Variants in CHL1 observed in about 807,000 individuals in gnomAD.
CHL1 encodes the protein cell adhesion molecule L1 like.
A neutral mutation model predicts 141.9 loss-of-function variants in CHL1; 96 were observed. The ratio of observed to expected loss-of-function variants is 0.68; its 90% CI spans 0.57 to 0.80. The LOEUF is 0.80. CHL1 is among the 30% of genes least tolerant of loss of function. The pLI, the probability that CHL1 is intolerant of heterozygous loss-of-function variation, is 0.00. For missense variants in CHL1, 1,820 were observed against 1,457.2 expected (o/e 1.25, Z -4.05); for synonymous variants, 613 against 502.2 (o/e 1.22, Z -2.95).
intron 2 of CHL1, among the ~76,000 whole-genome samples, chr3:314,893 A>G (rs1204071241): frequency 1.3e-5 from 2 of 152,182 alleles, no homozygotes; most frequent in Non-Finnish European, 2.9e-5. Context: ...GTGTGACCAC[A>G]AAGAGGGGAA....
chr3:360,268 C>T lies in CHL1; in HGVS notation c.1166-16C>T. The T allele has an allele frequency of 2.5e-6, 4 of 1,612,842 alleles. No individual in the cohort carries two copies. The highest frequency in any genetic ancestry group is 3.4e-6 in the Non-Finnish European group (4 of 1,179,372). Reference sequence around the variant, plus strand: ...TCCTGTTCCTTATCAAACTGACATTCTTTAATCTCTTTCAGATCATCCATT... The same window carrying T: ...TCCTGTTCCTTATCAAACTGACATTTTTTAATCTCTTTCAGATCATCCATT... On this transcript the variant is annotated splice_polypyrimidine_tract_variant and intron_variant, in intron 11 of 27. Coordinates refer to ENST00000256509, the MANE Select transcript of CHL1 (RefSeq NM_006614.4).
At chr3:235,617 G>C (rs1256668900) in intron 1 of CHL1, among the ~76,000 whole-genome samples, 1 of 152,142 alleles carries the variant, frequency 6.6e-6, no homozygotes, top group Non-Finnish European at 1.5e-5. Context: ...GGAAAACATA[G>C]TGCTTCTCTA....
At chr3:261,555 A>G (rs1047700646) in intron 2 of CHL1, among the ~76,000 whole-genome samples, 1 of 152,206 alleles carries the variant, frequency 6.6e-6, no homozygotes, top group African/African-American at 2.4e-5. Flanking sequence ...TCACAAACTC[A>G]TTGAGCTAAG....
intron 2 of CHL1, among the ~76,000 whole-genome samples, chr3:251,359 C>G (rs953777875): frequency 6.6e-6 from 1 of 152,142 alleles, no homozygotes; most frequent in African/African-American, 2.4e-5. Flanking sequence ...AGCTTTAACT[C>G]AGCAACTTTT....
At chr3:352,207 A>C (rs1341302664) in intron 10 of CHL1, among the ~76,000 whole-genome samples, 2 of 152,182 alleles carry the variant, frequency 1.3e-5, no homozygotes, top group African/African-American at 4.8e-5. Flanking sequence ...TCAAATAACA[A>C]ACCTATTTCT....
chr3:386,353 A>G lies in CHL1; in HGVS notation c.2247+2467A>G, dbSNP rs116302783. Among the ~76,000 whole-genome samples the G allele has an allele frequency of 3.9e-3, 587 of 152,322 alleles. 3 individuals are homozygous for G. Among genetic ancestry groups the G allele is most frequent in the African/African-American group, 0.013 (552 of 41,570 alleles). On this transcript the variant is annotated intron_variant, in intron 19 of 27. Transcript: ENST00000256509. ...ACATGATTCAATTTAAAGTAACATT[A>G]CAATTTAACTTAATGGTAGAACTAG...
chr3:389,366 G>T lies in CHL1; in HGVS notation c.2362G>T (p.Val788Leu), dbSNP rs1027396710. The T allele has an allele frequency of 6.2e-7, 1 of 1,614,194 alleles. No homozygotes were observed. Among genetic ancestry groups the T allele is most frequent in the Non-Finnish European group, 8.5e-7 (1 of 1,180,032 alleles). Residue 788 changes from valine to leucine, a missense_variant, in exon 20 of 28, where the codon GTG becomes TTG. Transcript: ENST00000256509. ...AACAGTCACAAACCACACATTGCGG[G>T]TGATGACGCCTGCTGTCTATGCCCC... The part of the protein sequence containing the change: ...EETVTNHTLR[V>L]MTPAVYAPYD...
chr3:301,942 C>T lies in CHL1; in HGVS notation c.-94-17741C>T, dbSNP rs1698780149. Reference sequence around the variant, plus strand: ...GGCCCTGGTGTGTGATGTTCCCCTCCCTTTATCCATGTGTTCTCCTTGTTC... The same window carrying T: ...GGCCCTGGTGTGTGATGTTCCCCTCTCTTTATCCATGTGTTCTCCTTGTTC... On this transcript the variant is annotated intron_variant, in intron 2 of 27. Coordinates refer to ENST00000256509, the MANE Select transcript of CHL1 (RefSeq NM_006614.4). Among the ~76,000 whole-genome samples, 4 of 152,152 alleles carry T rather than the reference C, an allele frequency of 2.6e-5. No individual in the cohort carries two copies. The South Asian group carries it at 8.3e-4, about 32-fold the overall frequency.
chr3:293,893 C>G (rs1193390615), intron 2 of CHL1, among the ~76,000 whole-genome samples: 4 of 151,162 alleles, frequency 2.6e-5, no homozygotes, highest in African/African-American at 9.7e-5. Context: ...TCCTGAGTAG[C>G]TGGGATTACA....
At chr3:301,751 C>G (rs554523650) in intron 2 of CHL1, among the ~76,000 whole-genome samples, 1 of 152,176 alleles carries the variant, frequency 6.6e-6, no homozygotes. Context: ...AGAAGACACT[C>G]TTTTTTATTA....
chr3:290,572 C>A (rs745749092), intron 2 of CHL1, among the ~76,000 whole-genome samples: 1 of 152,100 alleles, frequency 6.6e-6, no homozygotes, highest in Non-Finnish European at 1.5e-5. Flanking sequence ...TTAGTCATGC[C>A]TGACTAACAT....
At chr3:248,775 A>G (rs1033645091) in intron 2 of CHL1, among the ~76,000 whole-genome samples, 2 of 152,186 alleles carry the variant, frequency 1.3e-5, no homozygotes, top group Admixed American at 6.6e-5. Context: ...AAGACTGACT[A>G]TAATCACCAT....
intron 1 of CHL1, among the ~76,000 whole-genome samples, chr3:209,714 G>A (rs912903130): frequency 1.3e-5 from 2 of 152,042 alleles, no homozygotes; most frequent in Admixed American, 1.3e-4. Context: ...GCTCCCCTCC[G>A]CTGCCACCCC....
chr3:267,323 T>A (rs17016564), intron 2 of CHL1, among the ~76,000 whole-genome samples: 7,141 of 152,304 alleles, frequency 0.047, 535 homozygotes, highest in African/African-American at 0.16. Context: ...AGAATTTGTT[T>A]CCTTGCCCTC....
At chr3:359,121 ATGT>A (rs1423872776) in intron 11 of CHL1, among the ~76,000 whole-genome samples, 1 of 151,344 alleles carries the variant, frequency 6.6e-6, no homozygotes, top group Admixed American at 6.6e-5. Context: ...AAGTGGCCAA[ATGT>A]TGTGGGATGT....
chr3:225,546 C>T (rs550126388), intron 1 of CHL1, among the ~76,000 whole-genome samples: 1 of 152,258 alleles, frequency 6.6e-6, no homozygotes, highest in South Asian at 2.1e-4. Context: ...CTTTATATTT[C>T]TTTATGAGAC....
At chr3:200,980 G>A (rs538825564) in intron 1 of CHL1, among the ~76,000 whole-genome samples, 26 of 152,270 alleles carry the variant, frequency 1.7e-4, no homozygotes, top group Non-Finnish European at 3.1e-4. Context: ...TTTCTCATTA[G>A]CACCACGTAG....
intron 2 of CHL1, among the ~76,000 whole-genome samples, chr3:300,835 C>G (rs1010535960): frequency 3.3e-5 from 5 of 151,820 alleles, no homozygotes; most frequent in Non-Finnish European, 5.9e-5. Flanking sequence ...GAAAGTGCAG[C>G]TGTGTTAAGA....
Position 296,961 on chromosome 3 carries a change from G to C in CHL1, c.-94-22722G>C, listed in dbSNP as rs149085030. Among the ~76,000 whole-genome samples, 432 of 152,298 alleles carry C rather than the reference G, an allele frequency of 2.8e-3. 1 individual carries two copies. Among genetic ancestry groups the C allele is most frequent in the Admixed American group, 5.0e-3 (77 of 15,286 alleles). On this transcript the variant is annotated intron_variant, in intron 2 of 27. Transcript: ENST00000256509. The stretch of plus-strand genomic sequence containing the variant: ...GAATGTGCAAAACAAGCAACAGAAA[G>C]AAGAGTGGGGACATCCTGAGTTTGT...
Sources: allele counts gnomAD v4.1 joint callset (sites outside exome capture counted in the v4.1 genomes callset), GRCh38; gene constraint gnomAD v4.1.1; transcripts MANE v1.5; gene names NCBI Gene and HGNC (gene_info 2026-07-23, HGNC 2026-07-21).